Variants in NUAK1 observed in about 807,000 individuals in gnomAD.
NUAK1 encodes the protein NUAK family kinase 1.
NUAK1 carries 26 observed loss-of-function variants against 56.9 expected under a neutral mutation model. The ratio of observed to expected loss-of-function variants is 0.46; its 90% CI spans 0.33 to 0.63. The LOEUF (loss-of-function observed/expected upper bound fraction) is 0.63. Ranked by LOEUF, NUAK1 falls within the 30% of genes least tolerant of loss-of-function variation. The pLI is 0.02. For missense variants in NUAK1, 727 were observed against 876.1 expected (o/e 0.83, Z 2.15); for synonymous variants, 337 against 336.0 (o/e 1.00, Z -0.03).
rs370866068 is a variant in NUAK1 at position 106,067,237 on chromosome 12, G to A, written c.1551C>T (p.Leu517=). 1.7e-5 allele frequency: 28 copies of A among 1,613,986 alleles called. No homozygotes were observed. In the African/African-American group the frequency reaches 3.3e-4, roughly 19 times the overall value. ...PDPARVTSHS[L]SCRRKGILKH... ...TCAAGATGCCCTTCCTCCGGCAGGA[G>A]AGGCTGTGGGAGGTTACCCTGGCTG... is the stretch of plus-strand genomic sequence containing the variant. The change falls in exon 7 of 7, where the codon CTC becomes CTT. Residue 517 remains leucine (L), a synonymous_variant. Transcript: ENST00000261402. The surrounding 1 kb of genome is among the most constrained non-coding windows in gnomAD (Gnocchi z 6.0).
chr12:106,110,611 A>G (rs570062402), intron 1 of NUAK1, among the ~76,000 whole-genome samples: 1 of 152,248 alleles, frequency 6.6e-6, no homozygotes, highest in East Asian at 1.9e-4. Context: ...ACCCCTAAAA[A>G]TCCCATTTGT....
intron 1 of NUAK1, among the ~76,000 whole-genome samples, chr12:106,118,620 C>T (rs1322155340): frequency 2.0e-5 from 3 of 152,220 alleles, no homozygotes; most frequent in Non-Finnish European, 4.4e-5. Context: ...GAACCATTCC[C>T]TTACAACAAA....
intron 3 of NUAK1, 128 bp downstream of exon 3, chr12:106,086,606 T>C: frequency 1.1e-6 from 1 of 895,924 alleles, no homozygotes; most frequent in Non-Finnish European, 1.5e-6. Flanking sequence ...GGTAATTTTC[T>C]TCTTTCTAGT....
chr12:106,138,954 T>G lies in NUAK1; in HGVS notation c.-301A>C. 1.1e-5 allele frequency: 3 copies of G among 262,368 alleles called. No homozygotes were observed. Among genetic ancestry groups the G allele is most frequent in the Non-Finnish European group, 7.0e-6 (1 of 142,018 alleles). The allele number at this position is 262,368 out of a possible 1,614,324, so 16.3% of individuals were successfully genotyped here. Reference sequence around the variant, plus strand: ...TGTTTGCAGGAGGGAGGGGAGAGGGTGGCTCGCAGCGCAGGAGGGGGAGTG... The same window carrying G: ...TGTTTGCAGGAGGGAGGGGAGAGGGGGGCTCGCAGCGCAGGAGGGGGAGTG... On this transcript the variant is annotated 5_prime_UTR_variant, in exon 1 of 7. Transcript: ENST00000261402. The surrounding 1 kb of genome is among the most constrained non-coding windows in gnomAD (Gnocchi z 5.0).
In NUAK1 at chr12:106,067,276, G is replaced by A. The variant is rs751483651; in HGVS notation, c.1512C>T (p.Pro504=). Residue 504 remains proline (P), a synonymous_variant, in exon 7 of 7, where the codon CCC becomes CCT. Coordinates refer to ENST00000261402, the MANE Select transcript of NUAK1 (RefSeq NM_014840.3). This position sits in a 1 kb window ranked among gnomAD's most constrained non-coding sequence, Gnocchi z 6.0. ...TTACCCTGGCTGGGTCCGGGGGGCT[G>A]GGGGAGGGGATGCTGCTGCCCATCA... ...NDVMGSSIPS[P]SPPDPARVTS... is the part of the protein sequence containing the mutation. 1.9e-6 allele frequency: 3 copies of A among 1,613,952 alleles called. No homozygotes were observed. Among genetic ancestry groups the A allele is most frequent in the African/African-American group, 2.7e-5 (2 of 74,926 alleles).
At chr12:106,068,790 TG>T (rs2032371743) in intron 6 of NUAK1, among the ~76,000 whole-genome samples, 2 of 152,206 alleles carry the variant, frequency 1.3e-5, no homozygotes, top group Admixed American at 6.5e-5. Flanking sequence ...TTCCCCCAAT[TG>T]GGGTGAATTA....
At chr12:106,119,031 G>C (rs2032947916) in intron 1 of NUAK1, among the ~76,000 whole-genome samples, 1 of 152,188 alleles carries the variant, frequency 6.6e-6, no homozygotes, top group African/African-American at 2.4e-5. Context: ...ATCTAAGACT[G>C]ATGTTCCAAC....
chr12:106,107,649 ACCTTG>A (rs2032815626), intron 1 of NUAK1, among the ~76,000 whole-genome samples: 1 of 152,184 alleles, frequency 6.6e-6, no homozygotes, highest in Non-Finnish European at 1.5e-5. Context: ...CCACGGCCAC[ACCTTG>A]CCTATCACAC....
chr12:106,094,590 C>T (rs2032674640), intron 2 of NUAK1, among the ~76,000 whole-genome samples: 3 of 152,172 alleles, frequency 2.0e-5, no homozygotes, highest in South Asian at 2.1e-4. Context: ...TAAATCGGTC[C>T]GAGTTGATTC....
chr12:106,074,842 G>A lies in NUAK1; in HGVS notation c.580-1999C>T, dbSNP rs765952553. Among the ~76,000 whole-genome samples the A allele has an allele frequency of 3.3e-5, 5 of 152,104 alleles. No individual in the cohort carries two copies. In the East Asian group the frequency reaches 5.8e-4, roughly 18 times the overall value. The stretch of plus-strand genomic sequence containing the variant: ...ACCAGCCTCAGAAAATGCATTCTCC[G>A]GGCTCAGATTGCACTTCATTGCCCT... On this transcript the variant is annotated intron_variant, in intron 4 of 6. Transcript: ENST00000261402.
At position 106,070,846 on chromosome 12, in the gene NUAK1, C is replaced by G; in HGVS notation, c.760G>C (p.Asp254His). ...ATGAGGTTTTTGTGATCGAAACCAT[C>G]GAAGGGCATTGTTCCATAAACAAGA... ...YTLVYGTMPF[D>H]GFDHKNLIRQ... is the part of the protein sequence containing the mutation. Residue 254 changes from aspartate (D) to histidine (H), a missense_variant, in exon 6 of 7, where the codon GAT becomes CAT. Asp to His is a moderately conservative substitution (Grantham distance 81). Coordinates refer to ENST00000261402, the MANE Select transcript of NUAK1 (RefSeq NM_014840.3). 6.2e-7 allele frequency: 1 copy of G among 1,614,156 alleles called. No individual in the cohort carries two copies. The highest frequency in any genetic ancestry group is 8.5e-7 in the Non-Finnish European group (1 of 1,180,026).
Position 106,138,453 on chromosome 12 carries a change from G to A in NUAK1, c.201C>T (p.Gly67=). The part of the protein sequence containing the change: ...LQETLGKGTY[G]KVKRATERFS... ...ACCTCTCGGTGGCCCGCTTGACTTT[G>A]CCGTAGGTGCCTTTGCCCAGGGTCT... The change falls in exon 1 of 7, where the codon GGC becomes GGT. Residue 67 remains glycine (G), a synonymous_variant. Coordinates refer to ENST00000261402, the MANE Select transcript of NUAK1 (RefSeq NM_014840.3). The surrounding 1 kb of genome is among the most constrained non-coding windows in gnomAD (Gnocchi z 5.0). 1 of 1,611,898 alleles carries A rather than the reference G, an allele frequency of 6.2e-7. No individual in the cohort carries two copies.
chr12:106,108,882 G>T (rs932101009), intron 1 of NUAK1, among the ~76,000 whole-genome samples: 1 of 152,166 alleles, frequency 6.6e-6, no homozygotes, highest in Non-Finnish European at 1.5e-5. Flanking sequence ...AATCGCCAGG[G>T]GATGCTTTCA....
chr12:106,107,671 C>T (rs931456235), intron 1 of NUAK1, among the ~76,000 whole-genome samples: 3 of 152,228 alleles, frequency 2.0e-5, no homozygotes, highest in Admixed American at 6.5e-5. Flanking sequence ...ACACAGTCAA[C>T]CCCAGCCAGC....
chr12:106,074,232 T>A (rs1456419791), intron 4 of NUAK1, among the ~76,000 whole-genome samples: 1 of 152,114 alleles, frequency 6.6e-6, no homozygotes, highest in African/African-American at 2.4e-5. Flanking sequence ...ATAATTAATA[T>A]ATAATGCAAA....
chr12:106,112,862 C>A (rs921859524), intron 1 of NUAK1, among the ~76,000 whole-genome samples: 2 of 152,188 alleles, frequency 1.3e-5, no homozygotes, highest in African/African-American at 4.8e-5. Flanking sequence ...CCTCATCAGC[C>A]CTTTAATGTT....
rs765879339 is a variant in NUAK1, at chr12:106,067,968, G to C, written c.833-13C>G. 6.3e-7 allele frequency: 1 copy of C among 1,585,284 alleles called. No homozygotes were observed. The highest frequency in any genetic ancestry group is 1.2e-5 in the South Asian group (1 of 86,854). On this transcript the variant is annotated splice_polypyrimidine_tract_variant and intron_variant, in intron 6 of 6. Transcript: ENST00000261402. The surrounding 1 kb of genome is among the most constrained non-coding windows in gnomAD (Gnocchi z 6.0). ...AGTCCTCGAGCATCTAAGGGACAAG[G>C]GACAAAAAGAATCGGGCATTATGTG...
chr12:106,106,331 CAA>C, intron 2 of NUAK1, 72 bp downstream of exon 2: 3 of 1,384,698 alleles, frequency 2.2e-6, no homozygotes, highest in Non-Finnish European at 2.9e-6. Context: ...GCAATTATCT[CAA>C]AGTCTTGGCA....
chr12:106,089,965 T>A (rs190231784), intron 2 of NUAK1, among the ~76,000 whole-genome samples: 1 of 152,264 alleles, frequency 6.6e-6, no homozygotes, highest in East Asian at 1.9e-4. Context: ...CTGCAAGCTA[T>A]CTTGAAGAAG....
Sources: allele counts gnomAD v4.1 joint callset (sites outside exome capture counted in the v4.1 genomes callset), GRCh38; gene constraint gnomAD v4.1.1; non-coding constraint Gnocchi (gnomAD v3.1); transcripts MANE v1.5; gene names NCBI Gene and HGNC (gene_info 2026-07-23, HGNC 2026-07-21).